DHX40: variants seen among roughly 807,000 people sequenced by gnomAD.
The protein encoded by DHX40 is DEAH-box helicase 40.
Under a neutral mutation model 89.6 loss-of-function variants are expected in DHX40, and 28 were observed. The observed-to-expected ratio is 0.31, with a 90% confidence interval of 0.23 to 0.43. The LOEUF is 0.43. Among genes scored for constraint, DHX40 ranks in the 20% least tolerant of loss-of-function variants. The pLI is 1.00. For missense variants in DHX40, 457 were observed against 844.0 expected (o/e 0.54, Z 5.68); for synonymous variants, 226 against 283.6 (o/e 0.80, Z 2.04).
chr17:59,575,567 G>A (rs1359335983), intron 7 of DHX40, 96 bp downstream of exon 7: 2 of 1,186,932 alleles, frequency 1.7e-6, no homozygotes, highest in African/African-American at 3.1e-5. Context: ...TAAGTGCTTA[G>A]GTAAGTTTCA....
At chr17:59,599,744 A>G (rs2143346175) in intron 14 of DHX40, 1 of 213,340 alleles carries the variant, frequency 4.7e-6, no homozygotes, top group Admixed American at 5.6e-5. Flanking sequence ...ATACACTTTG[A>G]TGAGTTTTGA....
intron 6 of DHX40, among the ~76,000 whole-genome samples, chr17:59,575,031 A>G (rs1036761211): frequency 4.6e-5 from 7 of 152,010 alleles, no homozygotes; most frequent in African/African-American, 1.7e-4. Context: ...ACCAAATGCA[A>G]TAGCACCTGG....
chr17:59,592,154 AG>A (rs1205426352), intron 12 of DHX40, among the ~76,000 whole-genome samples: 2 of 151,804 alleles, frequency 1.3e-5, no homozygotes, highest in African/African-American at 4.8e-5. Flanking sequence ...TACAGGTGTA[AG>A]CCACTATGCC....
intron 12 of DHX40, among the ~76,000 whole-genome samples, chr17:59,591,676 A>G (rs1463513856): frequency 2.6e-5 from 4 of 151,300 alleles, no homozygotes; most frequent in African/African-American, 4.8e-5. Flanking sequence ...AATTTTTAAC[A>G]TTTTACCCCC....
intron 2 of DHX40, among the ~76,000 whole-genome samples, chr17:59,568,957 C>T (rs1004006037): frequency 1.4e-4 from 22 of 152,024 alleles, no homozygotes; most frequent in Non-Finnish European, 1.3e-4. Context: ...CTACCTCAAC[C>T]TTCTGAGTAG....
intron 16 of DHX40, 74 bp from the exon 17 acceptor site, chr17:59,605,372 G>A (rs1010638132): frequency 1.4e-6 from 2 of 1,458,106 alleles, no homozygotes; most frequent in Non-Finnish European, 1.9e-6. Context: ...GAAGGATTTG[G>A]ACTATTTGGT....
chr17:59,606,963 C>T, intron 17 of DHX40, 70 bp from the exon 18 acceptor site: 1 of 1,399,664 alleles, frequency 7.1e-7, no homozygotes, highest in Non-Finnish European at 9.8e-7. Flanking sequence ...CAGGGCTTCT[C>T]TTTCTCTTAA....
chr17:59,605,759 T>C lies in DHX40; in HGVS notation c.2200+85T>C, dbSNP rs745492109. 2.3e-6 allele frequency: 3 copies of C among 1,325,374 alleles called. No homozygotes were observed. In the South Asian group the frequency reaches 3.8e-5, roughly 17 times the overall value. 82.1% of individuals were successfully genotyped at this position (1,325,374 alleles called of 1,614,324 possible). On this transcript the variant is annotated intron_variant, in intron 17 of 17. Coordinates refer to ENST00000251241, the MANE Select transcript of DHX40 (RefSeq NM_024612.5). ...TCACTATTTTTGTTTATAAAAATGT[T>C]GTGACCCACCTGGGCAATGTGGTGA...
At chr17:59,570,911 A>G (rs1257397515) in intron 3 of DHX40, among the ~76,000 whole-genome samples, 1 of 152,112 alleles carries the variant, frequency 6.6e-6, no homozygotes, top group African/African-American at 2.4e-5. Context: ...TCAAAGTTCA[A>G]TATATATTTT....
chr17:59,594,362 C>T (rs897937314), intron 12 of DHX40, among the ~76,000 whole-genome samples: 4 of 151,610 alleles, frequency 2.6e-5, no homozygotes, highest in African/African-American at 9.7e-5. Context: ...AGGTATTGCC[C>T]GTCTTTGATA....
intron 13 of DHX40, 57 bp downstream of exon 13, chr17:59,598,908 C>T (rs535297672): frequency 2.6e-5 from 34 of 1,292,680 alleles, no homozygotes; most frequent in Admixed American, 8.7e-5. Flanking sequence ...AGTTCCAATA[C>T]GTACTTATGA....
chr17:59,575,684 CTTTT>C (rs1465519125), intron 7 of DHX40: 44 of 461,940 alleles, frequency 9.5e-5, no homozygotes, highest in Non-Finnish European at 1.5e-4. Flanking sequence ...TTTACATTCA[CTTTT>C]TTGAGAGTCG....
intron 17 of DHX40, among the ~76,000 whole-genome samples, chr17:59,606,744 T>C (rs2030879045): frequency 7.9e-6 from 1 of 127,146 alleles, no homozygotes. Context: ...AGACTCCGTC[T>C]CAAAAAAAAA....
intron 12 of DHX40, among the ~76,000 whole-genome samples, chr17:59,595,240 T>C (rs1422900686): frequency 6.6e-6 from 1 of 151,568 alleles, no homozygotes; most frequent in East Asian, 2.0e-4. Context: ...TGTGCCACCA[T>C]GCCCAGCTAA....
chr17:59,570,809 G>A (rs2048796698), intron 3 of DHX40, 146 bp downstream of exon 3: 2 of 700,428 alleles, frequency 2.9e-6, no homozygotes, highest in Non-Finnish European at 4.3e-6. Context: ...CAGCCCCTTG[G>A]GTAGCTGGGA....
At chr17:59,580,695 C>T (rs6503927) in intron 10 of DHX40, among the ~76,000 whole-genome samples, 64,416 of 146,376 alleles carry the variant, frequency 0.44, 16,856 homozygotes, top group African/African-American at 0.79. Flanking sequence ...GAGGCTGAGA[C>T]GGGAAGATTG....
chr17:59,606,485 G>A (rs1048775058), intron 17 of DHX40, among the ~76,000 whole-genome samples: 11 of 152,094 alleles, frequency 7.2e-5, no homozygotes, highest in Admixed American at 4.6e-4. Context: ...GGTGGCTCAC[G>A]CCTGTAATCC....
At position 59,605,165 on chromosome 17, in the gene DHX40, A is replaced by G; in HGVS notation, c.1952A>G (p.His651Arg). The G allele has an allele frequency of 6.2e-7, 1 of 1,614,116 alleles. No homozygotes were observed. The highest frequency in any genetic ancestry group is 8.5e-7 in the Non-Finnish European group (1 of 1,179,988). The change falls in exon 16 of 18, where the codon CAC (histidine) becomes CGC (arginine). Residue 651 changes from histidine (H) to arginine (R), a missense_variant. Physicochemically the swap from His to Arg is conservative, Grantham distance 29. Transcript: ENST00000251241. ...CTMDGRGSPVHIHPSSALHEQ... is the reference protein window; with the variant it reads ...CTMDGRGSPVRIHPSSALHEQ... ...ATGGATGGTCGTGGAAGCCCAGTTC[A>G]CATTCATCCTTCCTCAGCAGTAAGT...
intron 1 of DHX40, among the ~76,000 whole-genome samples, chr17:59,566,365 C>A (rs1300506026): frequency 1.3e-5 from 2 of 152,174 alleles, no homozygotes. Flanking sequence ...TTGAGCTATA[C>A]TTGCTTTGAA....
Sources: gnomAD v4.1 joint callset for allele counts (sites outside exome capture counted in the v4.1 genomes callset) on GRCh38, gnomAD v4.1.1 for gene constraint, MANE v1.5 for transcripts, NCBI Gene and HGNC (gene_info 2026-07-23, HGNC 2026-07-21) for gene names.